The following BMPR1B variants were observed in gnomAD, a reference collection of about 807,000 sequenced individuals.
BMPR1B encodes the protein bone morphogenetic protein receptor type-1B.
In BMPR1B, 12 loss-of-function variants were observed where a neutral mutation model predicts 59.1. That is an observed-to-expected ratio of 0.20 (90% CI 0.13 to 0.33). BMPR1B has a LOEUF of 0.33. Among genes scored for constraint, BMPR1B ranks in the 10% least tolerant of loss-of-function variants. The pLI is 1.00. For synonymous variants in BMPR1B, 237 were observed against 207.3 expected (o/e 1.14, Z -1.23); for missense variants, 550 against 610.9 (o/e 0.90, Z 1.05).
intron 3 of BMPR1B, among the ~76,000 whole-genome samples, chr4:95,033,673 G>A (rs1725039772): frequency 6.6e-6 from 1 of 152,144 alleles, no homozygotes; most frequent in Admixed American, 6.6e-5. Context: ...TACTAAGTAA[G>A]TTAGACATGG....
chr4:94,979,998 C>G (rs1263028778), intron 2 of BMPR1B, among the ~76,000 whole-genome samples: 6 of 152,140 alleles, frequency 3.9e-5, no homozygotes, highest in Admixed American at 3.9e-4. Context: ...AACCAAGGAG[C>G]AGAAAACTGC....
At chr4:94,938,905 A>G (rs1039379858) in intron 2 of BMPR1B, among the ~76,000 whole-genome samples, 4 of 150,604 alleles carry the variant, frequency 2.7e-5, no homozygotes, top group Non-Finnish European at 5.9e-5. Context: ...TAGCTACTTG[A>G]GAGGCTGAGG....
chr4:94,837,302 C>T (rs1201700054), intron 1 of BMPR1B, among the ~76,000 whole-genome samples: 4 of 149,558 alleles, frequency 2.7e-5, no homozygotes, highest in South Asian at 4.3e-4. Context: ...TGAAGAAAGG[C>T]ATTGGTAGCT....
chr4:94,848,019 A>C (rs1213225491), intron 1 of BMPR1B, among the ~76,000 whole-genome samples: 1 of 152,212 alleles, frequency 6.6e-6, no homozygotes, highest in African/African-American at 2.4e-5. Flanking sequence ...GCCTGCATCA[A>C]AATATTTCAT....
intron 1 of BMPR1B, among the ~76,000 whole-genome samples, chr4:94,809,854 T>TA (rs1446689292): frequency 6.6e-6 from 1 of 152,212 alleles, no homozygotes; most frequent in East Asian, 1.9e-4. Context: ...GCAAAAGTAG[T>TA]AGAGTCCAGC....
chr4:94,888,780 G>C (rs989633047), intron 2 of BMPR1B, among the ~76,000 whole-genome samples: 1 of 151,890 alleles, frequency 6.6e-6, no homozygotes. Flanking sequence ...TTTGTTGTAT[G>C]ATTATTTACA....
At chr4:94,841,078 T>G (rs1210376092) in intron 1 of BMPR1B, among the ~76,000 whole-genome samples, 1,635 of 132,574 alleles carry the variant, frequency 0.012, 42 homozygotes, top group Middle Eastern at 0.016. Flanking sequence ...GCTGTTCGGG[T>G]GTCAGGGGTC....
intron 2 of BMPR1B, among the ~76,000 whole-genome samples, chr4:94,878,647 A>G (rs1018927491): frequency 4.0e-5 from 6 of 151,498 alleles, no homozygotes; most frequent in African/African-American, 1.5e-4. Context: ...GAGTGACTCC[A>G]TTTTGGTCTT....
At chr4:94,874,079 A>G (rs1036555270) in intron 1 of BMPR1B, among the ~76,000 whole-genome samples, 8 of 152,190 alleles carry the variant, frequency 5.3e-5, no homozygotes, top group African/African-American at 1.9e-4. Flanking sequence ...AGGTTCATCC[A>G]TCTTGTAGCA....
chr4:94,793,895 T>G (rs1723079832), intron 1 of BMPR1B, among the ~76,000 whole-genome samples: 1 of 150,778 alleles, frequency 6.6e-6, no homozygotes, highest in Non-Finnish European at 1.5e-5. Context: ...TTTGTTTGAG[T>G]TCATTGTAGA....
intron 6 of BMPR1B, among the ~76,000 whole-genome samples, chr4:95,121,430 A>G (rs1732520689): frequency 6.6e-6 from 1 of 152,180 alleles, no homozygotes; most frequent in African/African-American, 2.4e-5. Context: ...TGAGCACATT[A>G]TTGTTTAGTA....
intron 1 of BMPR1B, among the ~76,000 whole-genome samples, chr4:94,819,999 A>G (rs577871543): frequency 6.6e-6 from 1 of 152,254 alleles, no homozygotes; most frequent in Non-Finnish European, 1.5e-5. Context: ...TCTTAGCCCT[A>G]TCCAGCTTGT....
intron 1 of BMPR1B, among the ~76,000 whole-genome samples, chr4:94,841,759 C>A (rs1725093963): frequency 6.6e-6 from 1 of 152,174 alleles, no homozygotes; most frequent in Non-Finnish European, 1.5e-5. Context: ...GGAGCTGTTC[C>A]TATTCGGCCA....
intron 2 of BMPR1B, among the ~76,000 whole-genome samples, chr4:94,970,675 A>G (rs1214904311): frequency 6.6e-6 from 1 of 152,074 alleles, no homozygotes; most frequent in Non-Finnish European, 1.5e-5. Context: ...AAAGTTGTAC[A>G]TATTTATGGG....
intron 8 of BMPR1B, among the ~76,000 whole-genome samples, chr4:95,129,114 G>A (rs1421138573): frequency 2.0e-5 from 3 of 152,116 alleles, no homozygotes; most frequent in Admixed American, 6.5e-5. Flanking sequence ...CTATTATCCC[G>A]CCATAGTCAC....
At chr4:95,069,984 A>C (rs1370323944) in intron 3 of BMPR1B, among the ~76,000 whole-genome samples, 2 of 152,182 alleles carry the variant, frequency 1.3e-5, no homozygotes, top group African/African-American at 4.8e-5. Context: ...CTGTAATCCC[A>C]GCTACTTGGG....
intron 2 of BMPR1B, among the ~76,000 whole-genome samples, chr4:94,950,360 C>T (rs74354337): frequency 0.062 from 9,414 of 151,920 alleles, 310 homozygotes; most frequent in African/African-American, 0.073. Context: ...ATGAAGTCTT[C>T]GCCCATGCCT....
intron 1 of BMPR1B, among the ~76,000 whole-genome samples, chr4:94,776,177 CCTCA>C (rs1372515395): frequency 1.3e-4 from 20 of 150,316 alleles, no homozygotes; most frequent in Non-Finnish European, 2.7e-4. Context: ...GTTGTTGTTT[CCTCA>C]CTATTTCCTC....
At chr4:95,110,206 GAGGAAGTCCTGCAGGA>G (rs1731530660) in intron 4 of BMPR1B, among the ~76,000 whole-genome samples, 1 of 152,096 alleles carries the variant, frequency 6.6e-6, no homozygotes, top group South Asian at 2.1e-4. Context: ...GGAGAGGAGA[GAGGAAGTCCTGCAGGA>G]AGGCTCTCAG....
Sources: allele counts gnomAD v4.1 joint callset (sites outside exome capture counted in the v4.1 genomes callset), GRCh38; gene constraint gnomAD v4.1.1; transcripts MANE v1.5; gene names NCBI Gene and HGNC (gene_info 2026-07-23, HGNC 2026-07-21).